SNX24: variants seen among roughly 807,000 people sequenced by gnomAD.
SNX24 encodes sorting nexin 24.
Under a neutral mutation model 28.7 loss-of-function variants are expected in SNX24, and 22 were observed. The observed-to-expected ratio is 0.77, with a 90% CI of 0.55 to 1.10. The LOEUF (loss-of-function observed/expected upper bound fraction) is 1.10, where lower values mean the gene tolerates loss of function less well. Ranked by LOEUF, SNX24 falls within the 50% of genes least tolerant of loss-of-function variation. The pLI, the probability that SNX24 is intolerant of heterozygous loss-of-function variation, is 0.00. For synonymous variants in SNX24, 69 were observed against 71.5 expected (o/e 0.96, Z 0.18); for missense variants, 221 against 201.1 (o/e 1.10, Z -0.60).
rs373421167 is a variant in SNX24 at position 122,903,518 on chromosome 5, CT to C, written c.61-33215del. Among the ~76,000 whole-genome samples, 552 of 152,318 alleles carry C rather than the reference CT, an allele frequency of 3.6e-3. 6 individuals are homozygous for C. Among genetic ancestry groups the C allele is most frequent in the African/African-American group, 0.012 (498 of 41,568 alleles). The stretch of plus-strand genomic sequence containing the variant: ...CTTTCCCTCCGCTGGTCTGTGAAGT[CT>C]GACTGACCTGCAAATCATGCTTTAT... On this transcript the variant is annotated intron_variant, in intron 1 of 6. Transcript: ENST00000261369.
intron 1 of SNX24, among the ~76,000 whole-genome samples, chr5:122,850,929 AAG>A (rs991228640): frequency 6.6e-6 from 1 of 152,028 alleles, no homozygotes; most frequent in Non-Finnish European, 1.5e-5. Flanking sequence ...GTGAGGCTGG[AAG>A]AGAGAGGGTG....
At chr5:122,890,891 T>C in intron 1 of SNX24, 1 of 907,256 alleles carries the variant, frequency 1.1e-6, no homozygotes, top group Non-Finnish European at 1.5e-6. Flanking sequence ...TTTTTGTACC[T>C]TTTCAGAAAC....
At chr5:122,893,474 A>G (rs13167789) in intron 1 of SNX24, among the ~76,000 whole-genome samples, 3,967 of 152,252 alleles carry the variant, frequency 0.026, 70 homozygotes, top group Non-Finnish European at 0.037. Context: ...TTCAGTAAAT[A>G]CAACTAAGAA....
intron 1 of SNX24, among the ~76,000 whole-genome samples, chr5:122,909,505 G>C (rs1025063957): frequency 3.3e-5 from 5 of 152,196 alleles, no homozygotes; most frequent in African/African-American, 1.2e-4. Context: ...CAGGGTCTGA[G>C]TATCAGAGTG....
chr5:122,878,664 G>C (rs1756338531), intron 1 of SNX24, among the ~76,000 whole-genome samples: 1 of 152,100 alleles, frequency 6.6e-6, no homozygotes, highest in African/African-American at 2.4e-5. Flanking sequence ...GATGAATTTA[G>C]AGCAGTCCCG....
intron 1 of SNX24, among the ~76,000 whole-genome samples, chr5:122,909,979 A>C (rs1347899311): frequency 1.3e-5 from 2 of 152,208 alleles, no homozygotes; most frequent in Non-Finnish European, 2.9e-5. Flanking sequence ...TGCAACTTTG[A>C]AGCCAGAGTA....
chr5:122,885,191 A>C (rs112566947), intron 1 of SNX24, among the ~76,000 whole-genome samples: 17 of 152,222 alleles, frequency 1.1e-4, no homozygotes, highest in Admixed American at 3.3e-4. Context: ...GTCCAAAGCC[A>C]GTCCTCTGTA....
chr5:122,930,027 A>G (rs958660096), intron 1 of SNX24, among the ~76,000 whole-genome samples: 5 of 152,186 alleles, frequency 3.3e-5, no homozygotes. Flanking sequence ...CTCACACACT[A>G]TCAAACTTTG....
At chr5:122,923,664 G>A (rs1253049133) in intron 1 of SNX24, among the ~76,000 whole-genome samples, 1 of 152,106 alleles carries the variant, frequency 6.6e-6, no homozygotes, top group East Asian at 1.9e-4. Context: ...TTTGAAGCTG[G>A]CAGATGCTGT....
chr5:122,996,105 T>C (rs1762044159), intron 3 of SNX24, among the ~76,000 whole-genome samples: 1 of 152,188 alleles, frequency 6.6e-6, no homozygotes, highest in African/African-American at 2.4e-5. Flanking sequence ...TTTGGTGTAT[T>C]AGAAAGAATC....
chr5:123,010,251 C>T (rs1206089594), downstream of SNX24, among the ~76,000 whole-genome samples: 1 of 152,138 alleles, frequency 6.6e-6, no homozygotes, highest in Non-Finnish European at 1.5e-5. Context: ...AAGCTGCTAG[C>T]CTTCTACAGC....
At chr5:123,015,194 A>G (rs1313049370) in intron 5 of SNX24, among the ~76,000 whole-genome samples, 1 of 152,240 alleles carries the variant, frequency 6.6e-6, no homozygotes, top group Admixed American at 6.5e-5. Flanking sequence ...GTCAATGTGA[A>G]GAACAACTGT....
At position 122,945,994 on chromosome 5, in the gene SNX24, T is replaced by C. The variant is rs1313730585; in HGVS notation, c.145-61T>C. 9.3e-6 allele frequency: 8 copies of C among 858,826 alleles called. No homozygotes were observed. The Admixed American group carries it at 1.4e-4, about 15-fold the overall frequency. The allele number at this position is 858,826 out of a possible 1,614,324, so 53.2% of individuals were successfully genotyped here. A position where few individuals can be genotyped will look rare whatever the true frequency, so the allele number is the denominator to read the frequency against. On this transcript the variant is annotated intron_variant, in intron 2 of 6. Transcript: ENST00000261369. ...GCCTTTTTTCCCCAAATAATATCACTATAATTAACAGACATCTCTGTTTTT... is the reference window on the plus strand; with the variant it reads ...GCCTTTTTTCCCCAAATAATATCACCATAATTAACAGACATCTCTGTTTTT...
At chr5:122,914,448 T>C (rs1440828850) in intron 1 of SNX24, among the ~76,000 whole-genome samples, 1 of 151,822 alleles carries the variant, frequency 6.6e-6, no homozygotes, top group African/African-American at 2.4e-5. Flanking sequence ...TTTCTATTGA[T>C]TGGAATAGTT....
intron 1 of SNX24, among the ~76,000 whole-genome samples, chr5:122,884,239 T>G (rs1057379067): frequency 1.4e-5 from 2 of 144,820 alleles, no homozygotes; most frequent in African/African-American, 2.6e-5. Context: ...TTACCCTCAA[T>G]TGTTTCTTTT....
intron 1 of SNX24, among the ~76,000 whole-genome samples, chr5:122,921,677 C>G (rs551591600): frequency 2.4e-4 from 37 of 152,090 alleles, no homozygotes; most frequent in African/African-American, 8.9e-4. Context: ...TAAGAGTTTT[C>G]AGATGTTGGA....
chr5:122,999,725 C>T (rs1469761141), intron 3 of SNX24, among the ~76,000 whole-genome samples, 187 bp from the exon 4 acceptor site: 1 of 152,120 alleles, frequency 6.6e-6, no homozygotes, highest in Admixed American at 6.5e-5. Flanking sequence ...GATTTGCCGG[C>T]AATCCCTAGC....
intron 2 of SNX24, among the ~76,000 whole-genome samples, chr5:122,943,781 C>T (rs1031827341): frequency 6.6e-6 from 1 of 152,200 alleles, no homozygotes; most frequent in Admixed American, 6.5e-5. Context: ...AGGTCCCACT[C>T]ATGCTCAAGA....
At position 123,008,126 on chromosome 5, in the gene SNX24, C is replaced by A; in HGVS notation, c.*377C>A. The A allele has an allele frequency of 4.0e-6, 4 of 998,538 alleles. No homozygotes were observed. Among genetic ancestry groups the A allele is most frequent in the Non-Finnish European group, 4.8e-6 (4 of 838,938 alleles). 61.9% of individuals were successfully genotyped at this position (998,538 alleles called of 1,614,324 possible). A position where few individuals can be genotyped will look rare whatever the true frequency, so the allele number is the denominator to read the frequency against. On this transcript the variant is annotated 3_prime_UTR_variant, in exon 7 of 7. Coordinates refer to ENST00000261369, the MANE Select transcript of SNX24 (RefSeq NM_014035.4). ...TATCCTGAATCATACTGAGACTGAT[C>A]AACTTTGGTAGCTTTTTTGTTCAGA...
Sources: allele counts gnomAD v4.1 joint callset (sites outside exome capture counted in the v4.1 genomes callset), GRCh38; gene constraint gnomAD v4.1.1; transcripts MANE v1.5; gene names NCBI Gene and HGNC (gene_info 2026-07-23, HGNC 2026-07-21).